The following GBF1 variants were observed in gnomAD, a reference collection of about 807,000 sequenced individuals.
GBF1 encodes golgi brefeldin A resistant guanine nucleotide exchange factor 1.
GBF1 carries 114 observed loss-of-function variants against 210.5 expected under a neutral mutation model. That is an observed-to-expected ratio of 0.54 (90% CI 0.47 to 0.63). The LOEUF (loss-of-function observed/expected upper bound fraction) is 0.63. Among genes scored for constraint, GBF1 ranks in the 30% least tolerant of loss-of-function variants. The pLI, the probability that GBF1 is intolerant of heterozygous loss-of-function variation, is 0.00. For missense variants in GBF1, 1,851 were observed against 2,357.7 expected, an observed-to-expected ratio of 0.79 and a Z score of 4.45; for synonymous variants, 850 against 889.2, an observed-to-expected ratio of 0.96 and a Z score of 0.78.
intron 13 of GBF1, 140 bp downstream of exon 13, chr10:102,361,260 C>G: frequency 1.6e-6 from 1 of 630,602 alleles, no homozygotes; most frequent in Non-Finnish European, 2.9e-6. Context: ...CTCCAGAGTT[C>G]GGTTCAATCA....
intron 1 of GBF1, among the ~76,000 whole-genome samples, chr10:102,252,738 T>C (rs2071726878): frequency 1.3e-5 from 2 of 151,900 alleles, no homozygotes; most frequent in African/African-American, 2.4e-5. Context: ...TTCCAGCTAC[T>C]TGGGAGGCTG....
At chr10:102,379,156 G>A in intron 33 of GBF1, 128 bp from the exon 34 acceptor site, 1 of 776,004 alleles carries the variant, frequency 1.3e-6, no homozygotes, top group African/African-American at 1.7e-5. Flanking sequence ...AGTAGCGAGG[G>A]GGTGAGGTAT....
Position 102,369,206 on chromosome 10 carries a change from T to G in GBF1, c.2974-5T>G. 1 of 1,605,470 alleles carries G rather than the reference T, an allele frequency of 6.2e-7. No homozygotes were observed. The highest frequency in any genetic ancestry group is 8.5e-7 in the Non-Finnish European group (1 of 1,172,372). On this transcript the variant is annotated splice_region_variant and splice_polypyrimidine_tract_variant and intron_variant, in intron 23 of 39. Transcript: ENST00000369983. ...CCTTAAGTCTGTTCTCTTCCTCTTT[T>G]CCAGTCTATTGAGAACCTGCCCAGT...
At chr10:102,322,620 G>A (rs554282859) in intron 3 of GBF1, among the ~76,000 whole-genome samples, 8 of 148,598 alleles carry the variant, frequency 5.4e-5, no homozygotes, top group African/African-American at 2.0e-4. Flanking sequence ...GGTGTCTCAT[G>A]CCTGTAATTC....
At chr10:102,266,711 G>A (rs765189099) in intron 3 of GBF1, among the ~76,000 whole-genome samples, 34 of 152,222 alleles carry the variant, frequency 2.2e-4, no homozygotes, top group Non-Finnish European at 8.8e-5. Flanking sequence ...CACATGTAAA[G>A]CTGTTATGGC....
chr10:102,379,449 G>A lies in GBF1; in HGVS notation c.4645+15G>A. On this transcript the variant is annotated intron_variant, in intron 34 of 39. Coordinates refer to ENST00000369983, the MANE Select transcript of GBF1 (RefSeq NM_001377137.1). ...TTTACTGCAGGGTAAACCAGGAGGG[G>A]CAGAGGTAGGGAGTTTGGGGAGCAT... 1 of 1,614,084 alleles carries A rather than the reference G, an allele frequency of 6.2e-7. No homozygotes were observed. Among genetic ancestry groups the A allele is most frequent in the Admixed American group, 1.7e-5 (1 of 60,000 alleles).
intron 3 of GBF1, among the ~76,000 whole-genome samples, chr10:102,291,063 A>G (rs1427035616): frequency 6.6e-6 from 1 of 151,424 alleles, no homozygotes; most frequent in Non-Finnish European, 1.5e-5. Flanking sequence ...TTGGATAGGA[A>G]CCTTTCGGAT....
intron 1 of GBF1, among the ~76,000 whole-genome samples, chr10:102,246,314 T>C (rs141208870): frequency 2.3e-4 from 35 of 152,332 alleles, no homozygotes; most frequent in Non-Finnish European, 4.9e-4. Context: ...CTTGAGGTTA[T>C]AGCAGCGCAG....
intron 18 of GBF1, among the ~76,000 whole-genome samples, 198 bp downstream of exon 18, chr10:102,365,797 G>C (rs2059882994): frequency 1.3e-5 from 2 of 152,128 alleles, no homozygotes; most frequent in South Asian, 4.2e-4. Context: ...TGTAGTCCCA[G>C]CTGTTCAGGA....
At chr10:102,253,808 T>C (rs139895865) in intron 1 of GBF1, among the ~76,000 whole-genome samples, 58 of 152,322 alleles carry the variant, frequency 3.8e-4, no homozygotes, top group African/African-American at 1.3e-3. Flanking sequence ...CACCTGGCCT[T>C]TTAAGTATTA....
chr10:102,288,099 T>C (rs2076111287), intron 3 of GBF1, among the ~76,000 whole-genome samples: 1 of 152,218 alleles, frequency 6.6e-6, no homozygotes, highest in African/African-American at 2.4e-5. Flanking sequence ...ACTTTCCGTT[T>C]TTCTAAAGCA....
chr10:102,274,330 TCC>T (rs2074713895), intron 3 of GBF1, among the ~76,000 whole-genome samples: 1 of 151,738 alleles, frequency 6.6e-6, no homozygotes, highest in Non-Finnish European at 1.5e-5. Context: ...CTGTCCCACC[TCC>T]ACCCTGTGCC....
chr10:102,323,656 T>G (rs2056639357), intron 3 of GBF1, among the ~76,000 whole-genome samples: 1 of 151,612 alleles, frequency 6.6e-6, no homozygotes, highest in African/African-American at 2.4e-5. Context: ...TCCTCCCATC[T>G]CTGCCTCCCT....
In GBF1 at chr10:102,369,249, T is replaced by G. The variant is rs1347207606; in HGVS notation, c.3012T>G (p.Pro1004=). Residue 1004 remains proline (P), a synonymous_variant, in exon 24 of 40, where the codon CCT becomes CCG. Transcript: ENST00000369983. ...ENLPSVFGSN[P]KAHIAAKTVF... is the part of the protein sequence containing the mutation. ...TGCCCAGTGTATTTGGAAGCAACCC[T>G]AAAGCCCATATTGCAGCCAAGACAG... 4 of 1,613,854 alleles carry G rather than the reference T, an allele frequency of 2.5e-6. No individual in the cohort carries two copies. Among genetic ancestry groups the G allele is most frequent in the Non-Finnish European group, 3.4e-6 (4 of 1,179,730 alleles).
chr10:102,231,764 G>A, the GBF1 span: 17 of 1,606,338 alleles, frequency 1.1e-5, no homozygotes, highest in Middle Eastern at 1.7e-4. Context: ...GAGCCGCCGG[G>A]CAGCGAAGCC....
chr10:102,361,331 T>A (rs1266011022), intron 13 of GBF1: 1 of 572,368 alleles, frequency 1.7e-6, no homozygotes, highest in Non-Finnish European at 3.1e-6. Flanking sequence ...ACCCCAAATA[T>A]GAGAACTGCC....
chr10:102,380,810 C>A, intron 38 of GBF1, 124 bp downstream of exon 38: 1 of 811,518 alleles, frequency 1.2e-6, no homozygotes, highest in Non-Finnish European at 2.0e-6. Context: ...GAATTTGAGA[C>A]CAGCCTGACC....
intron 30 of GBF1, 138 bp downstream of exon 30, chr10:102,375,722 C>CA: frequency 1.6e-6 from 1 of 633,502 alleles, no homozygotes; most frequent in African/African-American, 1.8e-5. Flanking sequence ...CCAGAGCTTC[C>CA]AGTGCCCGCT....
At chr10:102,279,363 A>G (rs1006879063) in intron 3 of GBF1, among the ~76,000 whole-genome samples, 4 of 152,154 alleles carry the variant, frequency 2.6e-5, no homozygotes, top group Non-Finnish European at 4.4e-5. Context: ...TGTGAAGTGG[A>G]TTCTTTTTTT....
Sources: gnomAD v4.1 joint callset for allele counts (sites outside exome capture counted in the v4.1 genomes callset) on GRCh38, gnomAD v4.1.1 for gene constraint, MANE v1.5 for transcripts, NCBI Gene and HGNC (gene_info 2026-07-23, HGNC 2026-07-21) for gene names.